Variants in FBXW10 observed in about 807,000 individuals in gnomAD.
FBXW10 encodes the protein F-box/WD repeat-containing protein 10.
In FBXW10, 68 loss-of-function variants were observed where a neutral mutation model predicts 113.1. The ratio of observed to expected loss-of-function variants is 0.60; its 90% CI spans 0.49 to 0.74. The LOEUF is 0.74. Among genes scored for constraint, FBXW10 ranks in the 30% least tolerant of loss-of-function variants. FBXW10 has a pLI of 0.00. For synonymous variants in FBXW10, 289 were observed against 481.6 expected (o/e 0.60, Z 5.24); for missense variants, 753 against 1,284.5 (o/e 0.59, Z 6.32).
At position 18,775,066 on chromosome 17, in the gene FBXW10, T is replaced by C. The variant is rs553456119; in HGVS notation, c.2279-70T>C. The C allele has an allele frequency of 1.5e-5, 15 of 983,792 alleles. No individual in the cohort carries two copies. In the East Asian group the frequency reaches 2.7e-4, roughly 17 times the overall value. 60.9% of individuals were successfully genotyped at this position (983,792 alleles called of 1,614,324 possible). Reference sequence around the variant, plus strand: ...AGTCCAATTATCAGCCCCATTATTATTGATTATATTATTTTATGCCCTAAT... The same window carrying C: ...AGTCCAATTATCAGCCCCATTATTACTGATTATATTATTTTATGCCCTAAT... On this transcript the variant is annotated intron_variant, in intron 12 of 13. Coordinates refer to ENST00000395665, the MANE Select transcript of FBXW10 (RefSeq NM_001267585.2).
chr17:18,744,885 ACTGACACCTTGTC>A (rs2035011391), intron 1 of FBXW10, 136 bp downstream of exon 1: 1 of 1,490,688 alleles, frequency 6.7e-7, no homozygotes, highest in African/African-American at 1.4e-5. Context: ...GGTTTTTTGA[ACTGACACCTTGTC>A]CTGACACCCG....
At chr17:18,745,033 A>G in intron 1 of FBXW10, 1 of 1,325,288 alleles carries the variant, frequency 7.5e-7, no homozygotes, top group Non-Finnish European at 9.7e-7. Flanking sequence ...TCATAGGCCC[A>G]GAAATGGCTG....
chr17:18,744,786 G>A, intron 1 of FBXW10, 37 bp downstream of exon 1: 2 of 1,595,424 alleles, frequency 1.3e-6, no homozygotes, highest in Non-Finnish European at 1.7e-6. Context: ...GAGGGCCCCC[G>A]AAGACCAGAA....
At chr17:18,772,272 C>T (rs1232778787) in intron 11 of FBXW10, 140 bp from the exon 12 acceptor site, 3 of 749,892 alleles carry the variant, frequency 4.0e-6, no homozygotes. Context: ...CACCCTCCAG[C>T]TGCCTACACT....
chr17:18,760,795 AT>A (rs1203388810), intron 7 of FBXW10, among the ~76,000 whole-genome samples: 1 of 151,510 alleles, frequency 6.6e-6, no homozygotes, highest in African/African-American at 2.4e-5. Flanking sequence ...AAAAAAAAAA[AT>A]CTCAATATGA....
At chr17:18,757,258 ATT>A (rs2035284782) in intron 6 of FBXW10, among the ~76,000 whole-genome samples, 1 of 152,114 alleles carries the variant, frequency 6.6e-6, no homozygotes, top group South Asian at 2.1e-4. Flanking sequence ...ATCTTGGCTC[ATT>A]GTAACCTCCA....
intron 10 of FBXW10, among the ~76,000 whole-genome samples, chr17:18,769,176 C>T (rs1028358257): frequency 1.3e-5 from 2 of 151,884 alleles, no homozygotes; most frequent in Admixed American, 6.6e-5. Context: ...ACCTCATGAT[C>T]CACCCGCCTC....
rs1426406319 is a variant in FBXW10 at position 18,768,545 on chromosome 17, C to T, written c.1716C>T (p.Gly572=). The change falls in exon 10 of 14, where the codon GGC becomes GGT. Residue 572 remains glycine (G), a synonymous_variant. Transcript: ENST00000395665. The part of the protein sequence containing the change: ...AMAQLVKTLS[G]HEGAVKCLFF... ...ATCTTTTCTTGCAGACTCTCAGTGGCCATGAGGGAGCCGTGAAATGCCTGT... is the reference window on the plus strand; with the variant it reads ...ATCTTTTCTTGCAGACTCTCAGTGGTCATGAGGGAGCCGTGAAATGCCTGT... 1.2e-6 allele frequency: 2 copies of T among 1,614,046 alleles called. No individual in the cohort carries two copies. Among genetic ancestry groups the T allele is most frequent in the Non-Finnish European group, 1.7e-6 (2 of 1,179,994 alleles).
chr17:18,752,441 G>A (rs2035187560), intron 5 of FBXW10, among the ~76,000 whole-genome samples: 1 of 152,192 alleles, frequency 6.6e-6, no homozygotes, highest in Admixed American at 6.5e-5. Context: ...TGGGCCAGGT[G>A]CAGCAGCTCA....
intron 13 of FBXW10, among the ~76,000 whole-genome samples, chr17:18,777,105 A>G (rs2035715722): frequency 7.3e-6 from 1 of 137,284 alleles, no homozygotes; most frequent in Non-Finnish European, 1.5e-5. Context: ...TCTGTTGCCC[A>G]GGCTGGAGTG....
At position 18,747,930 on chromosome 17, in the gene FBXW10, C is replaced by A. The variant is rs770017471; in HGVS notation, c.506-11C>A. On this transcript the variant is annotated splice_polypyrimidine_tract_variant and intron_variant, in intron 1 of 13. Coordinates refer to ENST00000395665, the MANE Select transcript of FBXW10 (RefSeq NM_001267585.2). Reference sequence around the variant, plus strand: ...TCAAGAGCAACCTTGTCTTGGTCTTCTGTGTTTCAGGGCTCAATCAAGACA... The same window carrying A: ...TCAAGAGCAACCTTGTCTTGGTCTTATGTGTTTCAGGGCTCAATCAAGACA... 1.2e-6 allele frequency: 2 copies of A among 1,613,748 alleles called. No individual in the cohort carries two copies. The highest frequency in any genetic ancestry group is 1.7e-6 in the Non-Finnish European group (2 of 1,179,816).
At chr17:18,760,773 C>T (rs1308800375) in intron 7 of FBXW10, among the ~76,000 whole-genome samples, 18 of 137,108 alleles carry the variant, frequency 1.3e-4, no homozygotes, top group Non-Finnish European at 2.3e-4. Flanking sequence ...GAGCGAAACT[C>T]GGTCTCAAAA....
chr17:18,764,840 G>A lies in FBXW10; in HGVS notation c.1532G>A (p.Gly511Glu). The A allele has an allele frequency of 2.5e-6, 4 of 1,613,982 alleles. No homozygotes were observed. The highest frequency in any genetic ancestry group is 3.4e-6 in the Non-Finnish European group (4 of 1,179,872). Residue 511 changes from glycine to glutamate, a missense_variant, in exon 8 of 14, where the codon GGA (glycine) becomes GAA (glutamate). Physicochemically the swap from Gly to Glu is moderately conservative, Grantham distance 98. Transcript: ENST00000395665. ...TTGTGTAAGAACAGGCTCGTATCTG[G>A]AGGAAGAGATTGCCAGGTAAAAGGT... ...MDLCKNRLVSGGRDCQVKVWD... is the reference protein window; with the variant it reads ...MDLCKNRLVSEGRDCQVKVWD...
chr17:18,751,179 G>C, intron 5 of FBXW10, 126 bp downstream of exon 5: 3 of 1,270,798 alleles, frequency 2.4e-6, no homozygotes, highest in Non-Finnish European at 3.3e-6. Flanking sequence ...ACTCCTTAAG[G>C]AAGACGAGAG....
At chr17:18,760,833 GT>G (rs138784093) in intron 7 of FBXW10, among the ~76,000 whole-genome samples, 9,533 of 149,198 alleles carry the variant, frequency 0.064, 250 homozygotes, top group South Asian at 0.12. Flanking sequence ...GTTTATCAGG[GT>G]TTTTTTTTTC....
chr17:18,766,848 G>A lies in FBXW10; in HGVS notation c.1690G>A (p.Ala564Thr). 6.2e-7 allele frequency: 1 copy of A among 1,600,890 alleles called. No homozygotes were observed. Among genetic ancestry groups the A allele is most frequent in the Non-Finnish European group, 8.5e-7 (1 of 1,170,798 alleles). The change falls in exon 9 of 14, where the codon GCC becomes ACC. Residue 564 changes from alanine (A) to threonine (T), a missense_variant. Physicochemically the swap from Ala to Thr is moderately conservative, Grantham distance 58. Coordinates refer to ENST00000395665, the MANE Select transcript of FBXW10 (RefSeq NM_001267585.2). ...GLVKVWHIAMAQLVKTLSGHE... is the reference protein window; with the variant it reads ...GLVKVWHIAMTQLVKTLSGHE... ...GGTGAAAGTGTGGCACATTGCCATG[G>A]CCCAGTTGGTAAAGGTAAGTGGGCA...
Position 18,772,324 on chromosome 17 carries a change from C to G in FBXW10, c.2007-88C>G. 4 of 1,296,916 alleles carry G rather than the reference C, an allele frequency of 3.1e-6. No individual in the cohort carries two copies. In the South Asian group the frequency reaches 5.5e-5, roughly 18 times the overall value. 80.3% of individuals were successfully genotyped at this position (1,296,916 alleles called of 1,614,324 possible). ...ATCACCTGGGCACTGTTCCTTTAGT[C>G]TAAAGACCAGGTGGGATGGTAACTG... On this transcript the variant is annotated intron_variant, in intron 11 of 13. Coordinates refer to ENST00000395665, the MANE Select transcript of FBXW10 (RefSeq NM_001267585.2).
Position 18,770,017 on chromosome 17 carries a change from C to T in FBXW10, c.1938C>T (p.Asn646=), listed in dbSNP as rs779955136. The change falls in exon 11 of 14, where the codon AAC becomes AAT. Residue 646 remains asparagine, a synonymous_variant. Transcript: ENST00000395665. The part of the protein sequence containing the change: ...KIRIYNFLNG[N]CMKVLKANGR... Reference sequence around the variant, plus strand: ...GAATTTACAATTTCCTCAACGGGAACTGTATGAAGGTGTTAAAAGCCAATG... The same window carrying T: ...GAATTTACAATTTCCTCAACGGGAATTGTATGAAGGTGTTAAAAGCCAATG... The T allele has an allele frequency of 6.2e-7, 1 of 1,614,184 alleles. No individual in the cohort carries two copies. Among genetic ancestry groups the T allele is most frequent in the Non-Finnish European group, 8.5e-7 (1 of 1,180,044 alleles).
At chr17:18,777,442 G>T (rs549048724) in intron 13 of FBXW10, among the ~76,000 whole-genome samples, 173 of 152,096 alleles carry the variant, frequency 1.1e-3, no homozygotes, top group African/African-American at 4.0e-3. Flanking sequence ...ATCAAATTTT[G>T]CAACATAATT....
Sources: gnomAD v4.1 joint callset for allele counts (sites outside exome capture counted in the v4.1 genomes callset) on GRCh38, gnomAD v4.1.1 for gene constraint, MANE v1.5 for transcripts, NCBI Gene and HGNC (gene_info 2026-07-23, HGNC 2026-07-21) for gene names.